The following CSMD1 variants were observed in gnomAD, a reference collection of about 807,000 sequenced individuals.
The protein encoded by CSMD1 is CUB and Sushi multiple domains 1.
CSMD1 carries 213 observed loss-of-function variants against 417.5 expected under a neutral mutation model. The ratio of observed to expected loss-of-function variants is 0.51; its 90% confidence interval spans 0.46 to 0.57. The LOEUF (loss-of-function observed/expected upper bound fraction) is 0.57. Ranked by LOEUF, CSMD1 falls within the 20% of genes least tolerant of loss-of-function variation. The pLI is 0.00. For synonymous variants in CSMD1, 2,862 were observed against 1,736.8 expected (o/e 1.65, Z -16.11); for missense variants, 6,923 against 4,529.7 (o/e 1.53, Z -15.17).
At chr8:3,264,430 T>G (rs905845608) in intron 26 of CSMD1, among the ~76,000 whole-genome samples, 1 of 152,120 alleles carries the variant, frequency 6.6e-6, no homozygotes, top group African/African-American at 2.4e-5. Flanking sequence ...GCCACACAAG[T>G]GTCAGGAGAA....
At chr8:2,987,542 G>C (rs1444797706) in intron 54 of CSMD1, among the ~76,000 whole-genome samples, 3 of 151,894 alleles carry the variant, frequency 2.0e-5, no homozygotes, top group Non-Finnish European at 4.4e-5. Context: ...CTACTATTTT[G>C]AAAGATGATT....
At chr8:3,987,722 G>A (rs1214196062) in intron 5 of CSMD1, among the ~76,000 whole-genome samples, 6 of 152,312 alleles carry the variant, frequency 3.9e-5, no homozygotes, top group East Asian at 1.9e-4. Flanking sequence ...GAGGTCACTA[G>A]CAGCATAAAG....
At chr8:3,610,240 A>G (rs2469331) in intron 8 of CSMD1, among the ~76,000 whole-genome samples, 10,419 of 152,100 alleles carry the variant, frequency 0.069, 580 homozygotes, top group East Asian at 0.25. Context: ...GTAGATATAA[A>G]CAATAAATCG....
At chr8:3,263,728 A>G (rs1022811514) in intron 26 of CSMD1, among the ~76,000 whole-genome samples, 1 of 152,222 alleles carries the variant, frequency 6.6e-6, no homozygotes, top group Non-Finnish European at 1.5e-5. Flanking sequence ...ATCCCAATTA[A>G]GTTCTTAAGA....
chr8:3,758,780 G>T (rs979628638), intron 5 of CSMD1, among the ~76,000 whole-genome samples: 1 of 152,202 alleles, frequency 6.6e-6, no homozygotes, highest in Non-Finnish European at 1.5e-5. Flanking sequence ...TGTGTCACCT[G>T]ACATGGCTCA....
chr8:3,416,008 A>G (rs995881148), intron 12 of CSMD1, among the ~76,000 whole-genome samples: 12 of 152,172 alleles, frequency 7.9e-5, no homozygotes, highest in African/African-American at 2.4e-4. Flanking sequence ...CTTTTTAAAA[A>G]TAAGTGTTCT....
At chr8:4,634,852 T>G (rs953697703) in intron 2 of CSMD1, among the ~76,000 whole-genome samples, 5 of 152,162 alleles carry the variant, frequency 3.3e-5, no homozygotes, top group African/African-American at 1.2e-4. Context: ...CATCTCTATT[T>G]ATTTCACCTT....
chr8:3,704,155 G>C (rs111526940), intron 7 of CSMD1, among the ~76,000 whole-genome samples: 1 of 152,124 alleles, frequency 6.6e-6, no homozygotes, highest in African/African-American at 2.4e-5. Flanking sequence ...AAAAAAACCA[G>C]TCAGTTAGAC....
intron 27 of CSMD1, among the ~76,000 whole-genome samples, chr8:3,225,315 C>T (rs1214699364): frequency 6.6e-6 from 1 of 151,806 alleles, no homozygotes; most frequent in African/African-American, 2.4e-5. Context: ...ATAATAAATT[C>T]CACAGATATA....
intron 3 of CSMD1, among the ~76,000 whole-genome samples, chr8:4,353,053 A>G (rs934117360): frequency 2.0e-5 from 3 of 152,226 alleles, no homozygotes; most frequent in Non-Finnish European, 4.4e-5. Context: ...AGATTGTAGA[A>G]AGAGTAAAAT....
intron 3 of CSMD1, among the ~76,000 whole-genome samples, chr8:4,188,642 G>A (rs1019082305): frequency 2.1e-4 from 32 of 151,744 alleles, no homozygotes; most frequent in African/African-American, 6.8e-4. Context: ...TTTATCTATC[G>A]GAAAAATGAA....
intron 2 of CSMD1, among the ~76,000 whole-genome samples, chr8:4,493,357 G>A (rs920264573): frequency 1.3e-5 from 2 of 152,170 alleles, no homozygotes; most frequent in Non-Finnish European, 2.9e-5. Flanking sequence ...CCTAAATGAT[G>A]GTTGTTAGTT....
intron 49 of CSMD1, among the ~76,000 whole-genome samples, chr8:3,072,787 G>C (rs189262443): frequency 5.4e-4 from 82 of 152,274 alleles, no homozygotes; most frequent in Admixed American, 3.9e-4. Flanking sequence ...GGTTAGCACA[G>C]CTTGCCGAAT....
chr8:4,956,598 G>T (rs911613143), intron 1 of CSMD1, among the ~76,000 whole-genome samples: 1 of 150,400 alleles, frequency 6.6e-6, no homozygotes, highest in South Asian at 2.1e-4. Context: ...CATCATAACA[G>T]ATATTTTTAT....
At chr8:4,132,424 A>T (rs900361279) in intron 3 of CSMD1, among the ~76,000 whole-genome samples, 1 of 152,076 alleles carries the variant, frequency 6.6e-6, no homozygotes, top group Non-Finnish European at 1.5e-5. Flanking sequence ...TTACCCATAG[A>T]AACTATTTTT....
At chr8:4,705,128 G>A (rs1445798003) in intron 1 of CSMD1, among the ~76,000 whole-genome samples, 3 of 152,012 alleles carry the variant, frequency 2.0e-5, no homozygotes, top group Non-Finnish European at 2.9e-5. Flanking sequence ...TGTCTCTCCT[G>A]CCACCTTGTG....
intron 11 of CSMD1, among the ~76,000 whole-genome samples, chr8:3,489,368 A>G (rs937451466): frequency 5.3e-5 from 8 of 152,284 alleles, no homozygotes; most frequent in African/African-American, 1.4e-4. Context: ...AGGGACGGGC[A>G]TTTTAAAACT....
chr8:4,692,028 T>A (rs1032158364), intron 1 of CSMD1, among the ~76,000 whole-genome samples: 1 of 152,190 alleles, frequency 6.6e-6, no homozygotes, highest in African/African-American at 2.4e-5. Flanking sequence ...AGCTCAGTCC[T>A]ACTATCCTGA....
At chr8:3,359,047 T>G (rs1228883217) in intron 21 of CSMD1, 105 bp downstream of exon 21, 1 of 1,053,678 alleles carries the variant, frequency 9.5e-7, no homozygotes, top group Non-Finnish European at 1.4e-6. Context: ...CACCCTCTCC[T>G]TCCTTGTCAA....
Sources: gnomAD v4.1 joint callset for allele counts (sites outside exome capture counted in the v4.1 genomes callset) on GRCh38, gnomAD v4.1.1 for gene constraint, MANE v1.5 for transcripts, NCBI Gene and HGNC (gene_info 2026-07-23, HGNC 2026-07-21) for gene names.